DLGAP2: variants seen among roughly 807,000 people sequenced by gnomAD.
The protein encoded by DLGAP2 is disks large-associated protein 2.
In DLGAP2, 26 loss-of-function variants were observed where a neutral mutation model predicts 100.3. That is an observed-to-expected ratio of 0.26 (90% CI 0.19 to 0.36). The LOEUF (loss-of-function observed/expected upper bound fraction) is 0.36, where lower values mean the gene tolerates loss of function less well. Ranked by LOEUF, DLGAP2 falls within the 10% of genes least tolerant of loss-of-function variation. The pLI is 1.00. For missense variants in DLGAP2, 1,858 were observed against 1,453.2 expected (o/e 1.28, Z -4.53); for synonymous variants, 886 against 630.1 (o/e 1.41, Z -6.08).
intron 3 of DLGAP2, among the ~76,000 whole-genome samples, chr8:1,275,328 A>G (rs1463271905): frequency 1.3e-5 from 2 of 151,788 alleles, no homozygotes; most frequent in East Asian, 3.9e-4. Flanking sequence ...AGAACCAGGT[A>G]CACTCTCTAG....
chr8:1,010,808 A>G (rs1801258111), intron 2 of DLGAP2, among the ~76,000 whole-genome samples: 1 of 152,220 alleles, frequency 6.6e-6, no homozygotes, highest in African/African-American at 2.4e-5. Flanking sequence ...AACACCTCAG[A>G]GATCTAAACC....
intron 2 of DLGAP2, chr8:1,001,992 C>T (rs59006741): frequency 1.3e-5 from 2 of 152,194 alleles, no homozygotes; most frequent in South Asian, 4.1e-4. Flanking sequence ...TTTTAATTTT[C>T]CTACACAATA....
intron 4 of DLGAP2, among the ~76,000 whole-genome samples, chr8:1,506,617 T>A (rs972020642): frequency 6.6e-6 from 1 of 152,228 alleles, no homozygotes; most frequent in African/African-American, 2.4e-5. Flanking sequence ...AGGTTGCCAG[T>A]GCCGGCTCAG....
In DLGAP2 at chr8:819,158, T is replaced by G. The variant is rs760905899; in HGVS notation, c.18+81333T>G. ...TTTGCTACCCAAAATGTTAGCCAGT[T>G]GAATCTAGTTCGATGTTAAGTATGA... On this transcript the variant is annotated intron_variant, in intron 1 of 14. Transcript: ENST00000637795. Among the ~76,000 whole-genome samples, 14 of 152,380 alleles carry G rather than the reference T, an allele frequency of 9.2e-5. 1 individual carries two copies. In the East Asian group the frequency reaches 2.5e-3, roughly 27 times the overall value.
intron 1 of DLGAP2, among the ~76,000 whole-genome samples, chr8:856,188 T>C (rs112906464): frequency 6.9e-4 from 31 of 44,752 alleles, no homozygotes; most frequent in East Asian, 5.3e-3. Context: ...TCTTCTTCTT[T>C]TTTTTTTTTT....
chr8:1,042,829 G>A (rs111266749), intron 2 of DLGAP2, among the ~76,000 whole-genome samples: 633 of 43,994 alleles, frequency 0.014, no homozygotes, highest in Non-Finnish European at 0.018. Flanking sequence ...TGGGTGGTGG[G>A]TGTGGGTGGT....
At chr8:1,217,578 C>A (rs116552256) in intron 2 of DLGAP2, among the ~76,000 whole-genome samples, 2,668 of 152,186 alleles carry the variant, frequency 0.018, 88 homozygotes, top group African/African-American at 0.06. Context: ...TCTCTGATTT[C>A]CTTTAGCAGT....
chr8:1,669,258 G>A (rs896747122), intron 9 of DLGAP2, among the ~76,000 whole-genome samples: 4 of 152,192 alleles, frequency 2.6e-5, no homozygotes, highest in Non-Finnish European at 5.9e-5. Context: ...TTGACCCGCC[G>A]TCCATCTGGG....
chr8:1,055,687 A>G (rs1209799696), intron 2 of DLGAP2, among the ~76,000 whole-genome samples: 1 of 152,174 alleles, frequency 6.6e-6, no homozygotes, highest in Admixed American at 6.5e-5. Context: ...TCCTCCACAA[A>G]GCAGGTTCCA....
intron 1 of DLGAP2, among the ~76,000 whole-genome samples, chr8:762,537 T>C (rs1337852156): frequency 6.6e-6 from 1 of 152,180 alleles, no homozygotes; most frequent in Non-Finnish European, 1.5e-5. Context: ...GTCGCCACTT[T>C]GCTGACTCCC....
At chr8:1,095,545 T>C (rs1390132528) in intron 2 of DLGAP2, among the ~76,000 whole-genome samples, 7 of 152,172 alleles carry the variant, frequency 4.6e-5, no homozygotes, top group Non-Finnish European at 1.0e-4. Context: ...ATTTTAGTAA[T>C]GGGTTAGCAG....
At chr8:1,228,377 A>G (rs1263787639) in intron 2 of DLGAP2, among the ~76,000 whole-genome samples, 1 of 152,256 alleles carries the variant, frequency 6.6e-6, no homozygotes, top group Non-Finnish European at 1.5e-5. Flanking sequence ...ATTCTGCCAA[A>G]CATTTAAAGG....
At chr8:1,568,635 T>C (rs1307662797) in intron 6 of DLGAP2, among the ~76,000 whole-genome samples, 1 of 101,098 alleles carries the variant, frequency 9.9e-6, no homozygotes, top group Non-Finnish European at 1.9e-5. Context: ...CACAAATCCG[T>C]CTCTGCCCGT....
chr8:846,090 G>A (rs1298925956), intron 1 of DLGAP2, among the ~76,000 whole-genome samples: 1 of 152,122 alleles, frequency 6.6e-6, no homozygotes, highest in Admixed American at 6.5e-5. Flanking sequence ...GTAAATAAGG[G>A]CAGTTAGCAC....
intron 2 of DLGAP2, among the ~76,000 whole-genome samples, chr8:1,208,400 A>G (rs1798039415): frequency 6.6e-6 from 1 of 152,238 alleles, no homozygotes; most frequent in African/African-American, 2.4e-5. Flanking sequence ...CAACAGTTGC[A>G]GAAAAAGCAT....
intron 2 of DLGAP2, among the ~76,000 whole-genome samples, chr8:1,182,126 T>C (rs1797402144): frequency 6.6e-6 from 1 of 152,240 alleles, no homozygotes. Context: ...TCCTCCGTGT[T>C]CTGTTCCTGA....
At chr8:1,177,328 A>C (rs1025266149) in intron 2 of DLGAP2, among the ~76,000 whole-genome samples, 1 of 152,068 alleles carries the variant, frequency 6.6e-6, no homozygotes, top group Non-Finnish European at 1.5e-5. Flanking sequence ...CAGGAGAGGC[A>C]TTATATCATA....
intron 3 of DLGAP2, among the ~76,000 whole-genome samples, chr8:1,317,891 C>T (rs1330628165): frequency 2.2e-5 from 3 of 137,504 alleles, no homozygotes; most frequent in Non-Finnish European, 4.7e-5. Context: ...GTGAGTGCAG[C>T]GTCTCTCCAA....
At chr8:1,337,808 T>C (rs1422879412) in intron 3 of DLGAP2, among the ~76,000 whole-genome samples, 2 of 152,210 alleles carry the variant, frequency 1.3e-5, no homozygotes, top group Non-Finnish European at 2.9e-5. Flanking sequence ...GAGAAGACTC[T>C]AGTGTCTGGG....
Sources: allele counts gnomAD v4.1 joint callset (sites outside exome capture counted in the v4.1 genomes callset), GRCh38; gene constraint gnomAD v4.1.1; transcripts MANE v1.5; gene names NCBI Gene and HGNC (gene_info 2026-07-23, HGNC 2026-07-21).